The following PCSK5 variants were observed in gnomAD, a reference collection of about 807,000 sequenced individuals.
The protein encoded by PCSK5 is prohormone convertase 5.
In PCSK5, 129 loss-of-function variants were observed where a neutral mutation model predicts 233.2. The observed-to-expected ratio is 0.55, with a 90% CI of 0.48 to 0.64. The LOEUF (loss-of-function observed/expected upper bound fraction) is 0.64. PCSK5 is among the 30% of genes least tolerant of loss of function. PCSK5 has a pLI of 0.00. For missense variants in PCSK5, 2,076 were observed against 2,430.1 expected (o/e 0.85, Z 3.06); for synonymous variants, 825 against 879.2 (o/e 0.94, Z 1.09).
At chr9:75,897,577 G>A (rs1156518784) in intron 1 of PCSK5, among the ~76,000 whole-genome samples, 1 of 138,342 alleles carries the variant, frequency 7.2e-6, no homozygotes, top group Non-Finnish European at 1.5e-5. Flanking sequence ...CGCTGCAACC[G>A]CTGCCTCCTA....
At chr9:76,258,569 TG>T (rs1410283713) in intron 24 of PCSK5, among the ~76,000 whole-genome samples, 1 of 152,200 alleles carries the variant, frequency 6.6e-6, no homozygotes, top group Admixed American at 6.5e-5. Flanking sequence ...TTACATGAAT[TG>T]AAACAAGTGA....
At chr9:75,966,721 A>G (rs764754486) in intron 2 of PCSK5, among the ~76,000 whole-genome samples, 1 of 152,214 alleles carries the variant, frequency 6.6e-6, no homozygotes, top group Non-Finnish European at 1.5e-5. Flanking sequence ...CCAAATACCT[A>G]TTATGTGCCC....
chr9:76,271,936 T>C (rs1251703219), intron 24 of PCSK5, among the ~76,000 whole-genome samples: 1 of 152,220 alleles, frequency 6.6e-6, no homozygotes, highest in Non-Finnish European at 1.5e-5. Context: ...TGTGTCTTCA[T>C]GTTTATACAG....
At chr9:75,976,531 C>T (rs544527696) in intron 2 of PCSK5, among the ~76,000 whole-genome samples, 4 of 151,318 alleles carry the variant, frequency 2.6e-5, no homozygotes, top group South Asian at 2.1e-4. Context: ...GTTTTGGGAG[C>T]GACATCATCA....
chr9:75,995,863 T>C (rs745692934), intron 3 of PCSK5, among the ~76,000 whole-genome samples: 35 of 152,162 alleles, frequency 2.3e-4, no homozygotes, highest in Non-Finnish European at 2.4e-4. Context: ...TCATAATATT[T>C]CTTTATCATT....
intron 8 of PCSK5, among the ~76,000 whole-genome samples, chr9:76,105,839 C>T (rs1463851696): frequency 6.6e-6 from 1 of 152,098 alleles, no homozygotes; most frequent in Non-Finnish European, 1.5e-5. Context: ...TTAGAGTTGT[C>T]AAAAGGAACA....
chr9:76,204,426 TTTTC>T (rs1287254213), intron 20 of PCSK5, among the ~76,000 whole-genome samples: 3 of 152,014 alleles, frequency 2.0e-5, no homozygotes, highest in Middle Eastern at 3.2e-3. Flanking sequence ...TTTTCTTTCT[TTTTC>T]TTTCTTTCTT....
rs1564074973 is a variant in PCSK5, at chr9:75,908,935, CTCTCTGTCTATCTATCTA to C, written c.192+17566_192+17583del. ...TCTATCTATCTATCTCTCTATCTCT[CTCTCTGTCTATCTATCTA>C]TCTATCTATCTATCTATCTATCTAT... On this transcript the variant is annotated intron_variant, in intron 1 of 37. Coordinates refer to ENST00000674117, the MANE Select transcript of PCSK5 (RefSeq NM_001372043.1). Among the ~76,000 whole-genome samples the C allele has an allele frequency of 8.6e-5, 10 of 116,358 alleles. No homozygotes were observed. In the South Asian group the frequency reaches 2.4e-3, roughly 28 times the overall value. The allele number at this position is 116,358 out of a possible 152,430, so 76.3% of individuals were successfully genotyped here. A position where few individuals can be genotyped will look rare whatever the true frequency, so the allele number is the denominator to read the frequency against.
intron 10 of PCSK5, among the ~76,000 whole-genome samples, chr9:76,142,462 C>G (rs972146191): frequency 4.6e-5 from 7 of 152,034 alleles, no homozygotes; most frequent in Non-Finnish European, 7.4e-5. Context: ...ATAGCATGTA[C>G]AAAACCTGTT....
At chr9:76,158,960 C>A in intron 11 of PCSK5, 23 bp from the exon 12 acceptor site, 1 of 1,599,964 alleles carries the variant, frequency 6.3e-7, no homozygotes, top group South Asian at 1.1e-5. Flanking sequence ...TTTGCTCAAA[C>A]TCTCCATCTC....
intron 29 of PCSK5, among the ~76,000 whole-genome samples, chr9:76,309,038 T>C (rs866850922): frequency 1.3e-5 from 2 of 151,992 alleles, no homozygotes; most frequent in Admixed American, 1.3e-4. Flanking sequence ...GGAAACATAG[T>C]GAGACCCCAT....
intron 5 of PCSK5, among the ~76,000 whole-genome samples, chr9:76,049,184 G>A (rs141972470): frequency 6.6e-6 from 1 of 152,106 alleles, no homozygotes; most frequent in African/African-American, 2.4e-5. Flanking sequence ...TTTACTACTT[G>A]GCCCATTGCA....
chr9:76,115,719 G>A (rs113805157), intron 9 of PCSK5, among the ~76,000 whole-genome samples: 5 of 152,160 alleles, frequency 3.3e-5, no homozygotes, highest in Admixed American at 6.6e-5. Flanking sequence ...TAGTCAAAGC[G>A]TATTAAAAGA....
chr9:76,355,451 T>C (rs984995806), intron 37 of PCSK5, among the ~76,000 whole-genome samples: 9 of 151,408 alleles, frequency 5.9e-5, no homozygotes, highest in Non-Finnish European at 8.8e-5. Context: ...CCAGCCTGGG[T>C]GACAGAGCGA....
At chr9:76,021,436 G>A (rs1828184133) in intron 3 of PCSK5, among the ~76,000 whole-genome samples, 1 of 152,078 alleles carries the variant, frequency 6.6e-6, no homozygotes, top group African/African-American at 2.4e-5. Flanking sequence ...TATGTGTTAA[G>A]AGGTAGGTCC....
intron 8 of PCSK5, among the ~76,000 whole-genome samples, chr9:76,100,700 T>C (rs550452517): frequency 1.3e-5 from 2 of 152,320 alleles, no homozygotes; most frequent in South Asian, 4.1e-4. Context: ...TAAAGAAGCA[T>C]TTAGAATATA....
chr9:76,195,483 G>A (rs1185878130), intron 20 of PCSK5: 6 of 152,038 alleles, frequency 3.9e-5, no homozygotes, highest in Non-Finnish European at 5.9e-5. Context: ...TGCACGTCGC[G>A]GAAATACTGG....
intron 8 of PCSK5, among the ~76,000 whole-genome samples, chr9:76,106,331 T>TA (rs1831978060): frequency 6.6e-6 from 1 of 152,208 alleles, no homozygotes; most frequent in Non-Finnish European, 1.5e-5. Context: ...AGGGAGGATT[T>TA]AAAAAATCTT....
intron 9 of PCSK5, among the ~76,000 whole-genome samples, chr9:76,115,468 A>G (rs1054587945): frequency 1.9e-4 from 29 of 152,242 alleles, no homozygotes; most frequent in African/African-American, 6.7e-4. Context: ...ACCCGATAAG[A>G]TTGCTTAGAA....
Sources: allele counts gnomAD v4.1 joint callset (sites outside exome capture counted in the v4.1 genomes callset), GRCh38; gene constraint gnomAD v4.1.1; transcripts MANE v1.5; gene names NCBI Gene and HGNC (gene_info 2026-07-23, HGNC 2026-07-21).